The following STOX1 variants were observed in gnomAD, a reference collection of about 807,000 sequenced individuals.
STOX1 encodes storkhead box 1.
A neutral mutation model predicts 74.8 loss-of-function variants in STOX1; 57 were observed. The observed-to-expected ratio is 0.76, with a 90% CI of 0.62 to 0.95. The LOEUF is 0.95. Ranked by LOEUF, STOX1 falls within the 40% of genes least tolerant of loss-of-function variation. The probability of loss-of-function intolerance (pLI) is 0.00; values close to 1 mark genes in which losing one functional copy is unlikely to be tolerated. For synonymous variants in STOX1, 375 were observed against 401.3 expected, an observed-to-expected ratio of 0.93 and a Z score of 0.78; for missense variants, 1,010 against 1,117.0, an observed-to-expected ratio of 0.90 and a Z score of 1.37.
chr10:68,895,211 G>C (rs1841169936), downstream of STOX1: 2 of 152,174 alleles, frequency 1.3e-5, no homozygotes, highest in Admixed American at 1.3e-4. Flanking sequence ...CCTTCCAACT[G>C]TAAGGTTTTT....
chr10:68,853,845 G>A (rs1010163604), intron 1 of STOX1, among the ~76,000 whole-genome samples: 5 of 151,084 alleles, frequency 3.3e-5, no homozygotes, highest in Admixed American at 3.3e-4. Flanking sequence ...GCCACCATGC[G>A]TGGCTAATTT....
intron 1 of STOX1, among the ~76,000 whole-genome samples, chr10:68,850,423 A>G (rs759690953): frequency 1.3e-5 from 2 of 152,174 alleles, no homozygotes; most frequent in African/African-American, 4.8e-5. Context: ...CACCTTAAAC[A>G]CTTTCCAACT....
intron 3 of STOX1, among the ~76,000 whole-genome samples, chr10:68,889,119 T>TA (rs1841039181): frequency 6.6e-6 from 1 of 152,022 alleles, no homozygotes; most frequent in African/African-American, 2.4e-5. Flanking sequence ...TAGCTTGGAT[T>TA]ATAGGCACAT....
At chr10:68,833,829 C>G (rs906855523) in intron 1 of STOX1, among the ~76,000 whole-genome samples, 11 of 152,188 alleles carry the variant, frequency 7.2e-5, no homozygotes, top group Admixed American at 3.3e-4. Context: ...TGTCTCTCTT[C>G]TCTTACTGGC....
intron 1 of STOX1, among the ~76,000 whole-genome samples, chr10:68,828,424 C>G (rs113339158): frequency 1.4e-3 from 208 of 152,190 alleles, no homozygotes; most frequent in African/African-American, 4.9e-3. Context: ...GTCCGGGGGG[C>G]CAAGACGCCC....
At chr10:68,828,233 C>T (rs1839315802) in intron 1 of STOX1, 2 of 996,678 alleles carry the variant, frequency 2.0e-6, no homozygotes, top group African/African-American at 1.7e-5. Context: ...GCGCCGGGCC[C>T]TGCGGCCGCC....
intron 1 of STOX1, among the ~76,000 whole-genome samples, chr10:68,878,238 T>C (rs1419416116): frequency 6.6e-6 from 1 of 152,162 alleles, no homozygotes; most frequent in Non-Finnish European, 1.5e-5. Context: ...ATATTTAAAA[T>C]TGTACTTTAA....
chr10:68,856,262 CA>C (rs1026208296), intron 1 of STOX1, among the ~76,000 whole-genome samples: 1 of 152,048 alleles, frequency 6.6e-6, no homozygotes, highest in African/African-American at 2.4e-5. Context: ...CAAACCCTAA[CA>C]GTTAAATTCA....
At chr10:68,839,366 G>A (rs1216083411) in intron 1 of STOX1, among the ~76,000 whole-genome samples, 1 of 151,916 alleles carries the variant, frequency 6.6e-6, no homozygotes, top group Non-Finnish European at 1.5e-5. Context: ...GGGACCAGAA[G>A]TGCGTGCCAC....
In STOX1 at chr10:68,884,510, A is replaced by G; in HGVS notation, c.714A>G (p.Ile238Met). The G allele has an allele frequency of 6.2e-7, 1 of 1,613,804 alleles. No individual in the cohort carries two copies. Among genetic ancestry groups the G allele is most frequent in the Admixed American group, 1.7e-5 (1 of 60,030 alleles). ...AESAQENAAP[I>M]SHCQSCQCFR... ...CAGCCCAAGAGAATGCTGCCCCCAT[A>G]TCCCACTGTCAGTCTTGCCAGTGTT... The change falls in exon 3 of 4, where the codon ATA becomes ATG. Residue 238 changes from isoleucine (I) to methionine (M), a missense_variant. By Grantham distance (10) the Ile-to-Met change is conservative. Coordinates refer to ENST00000298596, the MANE Select transcript of STOX1 (RefSeq NM_152709.5).
intron 1 of STOX1, among the ~76,000 whole-genome samples, chr10:68,876,105 C>T (rs1412818756): frequency 7.2e-6 from 1 of 138,002 alleles, no homozygotes; most frequent in Non-Finnish European, 1.6e-5. Flanking sequence ...GGGTTGCTTT[C>T]TGGTCTTTAC....
rs1452564098 is a variant in STOX1, at chr10:68,840,672, T to C, written c.310+12739T>C. On this transcript the variant is annotated intron_variant, in intron 1 of 3. Coordinates refer to ENST00000298596, the MANE Select transcript of STOX1 (RefSeq NM_152709.5). The stretch of plus-strand genomic sequence containing the variant: ...ACCATCCTGCTTCAAGCGATTCTCA[T>C]GCTTCAGCCTCCCAAGTAGCTGGGA... Among the ~76,000 whole-genome samples the C allele has an allele frequency of 5.9e-5, 9 of 152,142 alleles. 1 individual carries two copies. The highest frequency in any genetic ancestry group is 5.9e-4 in the Admixed American group (9 of 15,264).
intron 1 of STOX1, among the ~76,000 whole-genome samples, chr10:68,876,508 C>G (rs1355303220): frequency 1.2e-5 from 1 of 83,892 alleles, no homozygotes; most frequent in Non-Finnish European, 2.8e-5. Flanking sequence ...AGCAAAGAAT[C>G]AGTAAATTAA....
At chr10:68,894,362 T>C (rs1473607618), downstream of STOX1, among the ~76,000 whole-genome samples, 1 of 151,918 alleles carries the variant, frequency 6.6e-6, no homozygotes, top group Non-Finnish European at 1.5e-5. Context: ...AATTGGAGAG[T>C]GTCTCTTTCT....
At chr10:68,879,010 T>C (rs1840745962) in intron 1 of STOX1, among the ~76,000 whole-genome samples, 1 of 151,994 alleles carries the variant, frequency 6.6e-6, no homozygotes, top group East Asian at 1.9e-4. Flanking sequence ...CTCTGGGAGG[T>C]TGTTAGAAGT....
intron 1 of STOX1, among the ~76,000 whole-genome samples, chr10:68,837,499 G>A (rs1839584737): frequency 6.6e-6 from 1 of 152,212 alleles, no homozygotes; most frequent in Non-Finnish European, 1.5e-5. Flanking sequence ...ATGCAATAAA[G>A]TGCATGTATG....
chr10:68,882,201 T>C, intron 2 of STOX1, 91 bp downstream of exon 2: 1 of 1,275,440 alleles, frequency 7.8e-7, no homozygotes, highest in Non-Finnish European at 1.1e-6. Flanking sequence ...CTGGGTGATA[T>C]CCTTTTTTCC....
chr10:68,835,271 ACCT>A (rs1234917018), intron 1 of STOX1, among the ~76,000 whole-genome samples: 1 of 151,722 alleles, frequency 6.6e-6, no homozygotes, highest in African/African-American at 2.4e-5. Context: ...CAAACTCCTG[ACCT>A]CAAGTGATCT....
At chr10:68,848,247 G>A (rs1043186112) in intron 1 of STOX1, among the ~76,000 whole-genome samples, 8 of 152,156 alleles carry the variant, frequency 5.3e-5, no homozygotes, top group African/African-American at 1.9e-4. Flanking sequence ...CAGGGCAGAG[G>A]CAAGGAGCCT....
Sources: allele counts gnomAD v4.1 joint callset (sites outside exome capture counted in the v4.1 genomes callset), GRCh38; gene constraint gnomAD v4.1.1; transcripts MANE v1.5; gene names NCBI Gene and HGNC (gene_info 2026-07-23, HGNC 2026-07-21).